The following WDR59 variants were observed in gnomAD, a reference collection of about 807,000 sequenced individuals.
WDR59 encodes the protein GATOR2 complex protein WDR59.
A neutral mutation model predicts 131.2 loss-of-function variants in WDR59; 100 were observed. That is an observed-to-expected ratio of 0.76 (90% CI 0.65 to 0.90). The LOEUF (loss-of-function observed/expected upper bound fraction) is 0.90. Among genes scored for constraint, WDR59 ranks in the 40% least tolerant of loss-of-function variants. The pLI is 0.00. For synonymous variants in WDR59, 601 were observed against 466.2 expected (o/e 1.29, Z -3.72); for missense variants, 1,203 against 1,262.2 (o/e 0.95, Z 0.71).
At chr16:74,975,681 AAAAAAAGAAAAAAAAATTT>A (rs2145234618) in intron 1 of WDR59, among the ~76,000 whole-genome samples, 1 of 151,906 alleles carries the variant, frequency 6.6e-6, no homozygotes, top group East Asian at 1.9e-4. Flanking sequence ...AAAAAAAGTA[AAAAAAAGAAAAAAAAATTT>A]AAAAAAGAAA....
intron 1 of WDR59, among the ~76,000 whole-genome samples, chr16:74,968,954 G>C (rs149400433): frequency 6.6e-6 from 1 of 152,152 alleles, no homozygotes; most frequent in Admixed American, 6.5e-5. Flanking sequence ...CTGAGCAGAG[G>C]AAGTGAAAAC....
chr16:74,895,620 A>C (rs983314313), intron 18 of WDR59, among the ~76,000 whole-genome samples: 32 of 152,342 alleles, frequency 2.1e-4, no homozygotes, highest in African/African-American at 7.7e-4. Flanking sequence ...TACCCAAGTC[A>C]TTATTCTGCA....
At chr16:74,917,616 C>G (rs143370787) in intron 11 of WDR59, among the ~76,000 whole-genome samples, 9,023 of 152,010 alleles carry the variant, frequency 0.059, 401 homozygotes, top group Non-Finnish European at 0.089. Flanking sequence ...GAAGACTAGC[C>G]TGGCCAACTT....
At chr16:74,962,234 C>T (rs2033597014) in intron 2 of WDR59, among the ~76,000 whole-genome samples, 1 of 152,070 alleles carries the variant, frequency 6.6e-6, no homozygotes, top group African/African-American at 2.4e-5. Context: ...ATACCTCCAG[C>T]TTTGTTATTT....
At chr16:74,901,877 C>A (rs202246070) in intron 18 of WDR59, among the ~76,000 whole-genome samples, 5 of 75,250 alleles carry the variant, frequency 6.6e-5, no homozygotes, top group Non-Finnish European at 1.7e-4. Flanking sequence ...CCCCCCTTGG[C>A]CCCTACATAA....
At chr16:74,899,861 C>A in intron 18 of WDR59, 1 of 811,452 alleles carries the variant, frequency 1.2e-6, no homozygotes, top group South Asian at 1.5e-5. Context: ...CCGATGGATT[C>A]CAATGTACCA....
chr16:74,979,183 A>G (rs1438435620), intron 1 of WDR59: 1 of 144,168 alleles, frequency 6.9e-6, no homozygotes, highest in African/African-American at 2.5e-5. Flanking sequence ...AAGTTCTACA[A>G]AACAGTGATG....
chr16:74,909,089 A>C, intron 16 of WDR59, 112 bp from the exon 17 acceptor site: 1 of 899,092 alleles, frequency 1.1e-6, no homozygotes, highest in Admixed American at 2.0e-5. Flanking sequence ...AGGGTAAGAC[A>C]CATTTTCATA....
intron 9 of WDR59, 148 bp from the exon 10 acceptor site, chr16:74,922,251 C>T (rs1489128427): frequency 2.1e-6 from 2 of 963,380 alleles, no homozygotes; most frequent in Non-Finnish European, 3.0e-6. Context: ...TTCCCAAACA[C>T]CATAGGCTGC....
chr16:74,905,821 T>C (rs1965779987), intron 17 of WDR59, among the ~76,000 whole-genome samples: 1 of 151,970 alleles, frequency 6.6e-6, no homozygotes, highest in Non-Finnish European at 1.5e-5. Flanking sequence ...AAGCCACAGA[T>C]GAAGAGAAAA....
chr16:74,879,355 T>C (rs1218391762), intron 25 of WDR59, among the ~76,000 whole-genome samples: 1 of 152,034 alleles, frequency 6.6e-6, no homozygotes, highest in Non-Finnish European at 1.5e-5. Context: ...AGACCCTGTC[T>C]CAAAAAACAA....
Position 74,897,199 on chromosome 16 carries a change from T to C in WDR59, c.1867-3387A>G, listed in dbSNP as rs563505931. Among the ~76,000 whole-genome samples, 142 of 152,326 alleles carry C rather than the reference T, an allele frequency of 9.3e-4. 1 individual carries two copies. The highest frequency in any genetic ancestry group is 2.5e-3 in the Admixed American group (38 of 15,306). Reference sequence around the variant, plus strand: ...TTCTGTCAGCATCGTGACTCTGTTCTGCTCAGCCCAAGTGTCTACTGAAGA... The same window carrying C: ...TTCTGTCAGCATCGTGACTCTGTTCCGCTCAGCCCAAGTGTCTACTGAAGA... On this transcript the variant is annotated intron_variant, in intron 18 of 25. Transcript: ENST00000262144.
intron 2 of WDR59, among the ~76,000 whole-genome samples, chr16:74,960,053 G>A (rs749263808): frequency 6.6e-6 from 1 of 152,032 alleles, no homozygotes; most frequent in African/African-American, 2.4e-5. Context: ...GTTTAGGCCG[G>A]GCGCAGTGGC....
In WDR59 at chr16:74,917,958, T is replaced by C; in HGVS notation, c.937A>G (p.Met313Val). ...VTWSRDQTLR[M>V]WRVDSQMQRL... ...TGCATCTGGGAATCCACCCGCCACA[T>C]TCTCAAGGTCTGATCCCGGGACCAC... The change falls in exon 11 of 26, where the codon ATG (methionine) becomes GTG (valine). Residue 313 changes from methionine (M) to valine (V), a missense_variant. By Grantham distance (21) the Met-to-Val change is conservative. Coordinates refer to ENST00000262144, the MANE Select transcript of WDR59 (RefSeq NM_030581.4). The C allele has an allele frequency of 6.2e-7, 1 of 1,614,018 alleles. No homozygotes were observed. Among genetic ancestry groups the C allele is most frequent in the Non-Finnish European group, 8.5e-7 (1 of 1,179,948 alleles).
rs867821563 is a variant in WDR59 at position 74,927,513 on chromosome 16, C to T, written c.652-3510G>A. Among the ~76,000 whole-genome samples, 8 of 138,156 alleles carry T rather than the reference C, an allele frequency of 5.8e-5. No homozygotes were observed. In the South Asian group the frequency reaches 1.7e-3, roughly 29 times the overall value. The allele number at this position is 138,156 out of a possible 152,430, so 90.6% of individuals were successfully genotyped here. ...TGAGGCAGGAGAATTGCTTGAACCCCGGAGGTGGAGGTTGCAGTGAGCTGA... is the reference window on the plus strand; with the variant it reads ...TGAGGCAGGAGAATTGCTTGAACCCTGGAGGTGGAGGTTGCAGTGAGCTGA... On this transcript the variant is annotated intron_variant, in intron 8 of 25. Transcript: ENST00000262144.
intron 8 of WDR59, among the ~76,000 whole-genome samples, chr16:74,931,980 T>C (rs1210669400): frequency 6.6e-6 from 1 of 152,050 alleles, no homozygotes; most frequent in Non-Finnish European, 1.5e-5. Flanking sequence ...TGTTATAATA[T>C]CAACTTAAAT....
At position 74,903,934 on chromosome 16, in the gene WDR59, C is replaced by T. The variant is rs755696244; in HGVS notation, c.1866+13G>A. ...AAGGGGTAAGAATCAAAGGCTACGG[C>T]TCTGGCACTTACCCGCTCCTTGTAG... On this transcript the variant is annotated intron_variant, in intron 18 of 25. Coordinates refer to ENST00000262144, the MANE Select transcript of WDR59 (RefSeq NM_030581.4). 3.1e-6 allele frequency: 5 copies of T among 1,603,698 alleles called. No homozygotes were observed. In the South Asian group the frequency reaches 5.6e-5, roughly 18 times the overall value.
intron 1 of WDR59, among the ~76,000 whole-genome samples, chr16:74,979,567 T>C (rs1387163122): frequency 1.3e-5 from 2 of 150,860 alleles, no homozygotes; most frequent in African/African-American, 4.9e-5. Flanking sequence ...TCAGATGGAG[T>C]CTCGCTCTTG....
chr16:74,940,767 G>A (rs1462003806), intron 7 of WDR59, among the ~76,000 whole-genome samples: 3 of 151,968 alleles, frequency 2.0e-5, no homozygotes, highest in East Asian at 2.0e-4. Flanking sequence ...GTGCAGTGGC[G>A]CGATCTCGGC....
Sources: allele counts gnomAD v4.1 joint callset (sites outside exome capture counted in the v4.1 genomes callset), GRCh38; gene constraint gnomAD v4.1.1; transcripts MANE v1.5; gene names NCBI Gene and HGNC (gene_info 2026-07-23, HGNC 2026-07-21).